TMEM169: variants seen among roughly 807,000 people sequenced by gnomAD.
TMEM169 encodes transmembrane protein 169.
In TMEM169, 18 loss-of-function variants were observed where a neutral mutation model predicts 27.3. That is an observed-to-expected ratio of 0.66 (90% CI 0.46 to 0.98). The LOEUF is 0.98. Among genes scored for constraint, TMEM169 ranks in the 50% least tolerant of loss-of-function variants. The probability of loss-of-function intolerance (pLI) is 0.00; values close to 1 mark genes in which losing one functional copy is unlikely to be tolerated. For missense variants in TMEM169, 320 were observed against 368.6 expected (o/e 0.87, Z 1.08); for synonymous variants, 136 against 142.1 (o/e 0.96, Z 0.30).
rs189640090 is a variant in TMEM169, at chr2:216,093,115, G to A, written c.-126-2723G>A. 1.5e-3 allele frequency among the ~76,000 whole-genome samples: 209 copies of A among 141,418 alleles called. 2 individuals carry two copies. Among genetic ancestry groups the A allele is most frequent in the African/African-American group, 5.5e-3 (194 of 34,976 alleles). The allele number at this position is 141,418 out of a possible 152,430, so 92.8% of individuals were successfully genotyped here. A position where few individuals can be genotyped will look rare whatever the true frequency, so the allele number is the denominator to read the frequency against. On this transcript the variant is annotated intron_variant, in intron 1 of 2. Coordinates refer to ENST00000437356, the MANE Select transcript of TMEM169 (RefSeq NM_001142311.2). ...ATATATGTATATCCTGGAACTTAAC[G>A]TAATAATGAAGTGTGTGTGTGTGTG...
chr2:216,091,221 G>A (rs1161344165), intron 1 of TMEM169, among the ~76,000 whole-genome samples: 1 of 152,162 alleles, frequency 6.6e-6, no homozygotes, highest in Non-Finnish European at 1.5e-5. Flanking sequence ...ATTAGGTGAG[G>A]CTTTATGTCA....
rs1696414567 is a variant in TMEM169 at position 216,102,376 on chromosome 2, A to G, written c.*1834A>G. ...AGATTAACAGACTCTGAACTTAAAA[A>G]AAAAAATCACTCCTAAGGGTGTCCT... On this transcript the variant is annotated 3_prime_UTR_variant, in exon 3 of 3. Coordinates refer to ENST00000437356, the MANE Select transcript of TMEM169 (RefSeq NM_001142311.2). 1 of 152,410 alleles carries G rather than the reference A, an allele frequency of 6.6e-6. No individual in the cohort carries two copies. Among genetic ancestry groups the G allele is most frequent in the Admixed American group, 6.5e-5 (1 of 15,286 alleles). 9.4% of individuals were successfully genotyped at this position (152,410 alleles called of 1,614,324 possible). A position where few individuals can be genotyped will look rare whatever the true frequency, so the allele number is the denominator to read the frequency against.
At chr2:216,093,813 T>A (rs1043861730) in intron 1 of TMEM169, among the ~76,000 whole-genome samples, 1 of 151,984 alleles carries the variant, frequency 6.6e-6, no homozygotes, top group Non-Finnish European at 1.5e-5. Context: ...AAAAAAAATA[T>A]GTATTCTGGC....
chr2:216,098,605 G>A lies in TMEM169; in HGVS notation c.272-1315G>A, dbSNP rs185781277. On this transcript the variant is annotated intron_variant, in intron 2 of 2. Coordinates refer to ENST00000437356, the MANE Select transcript of TMEM169 (RefSeq NM_001142311.2). ...ATCTTATCTCTCAGTTGTGGGGCAA[G>A]GAGTCCACAGGGCCCAAGGTCCATG... Among the ~76,000 whole-genome samples the A allele has an allele frequency of 4.6e-3, 705 of 152,242 alleles. 8 individuals carry two copies. Among genetic ancestry groups the A allele is most frequent in the African/African-American group, 0.016 (673 of 41,528 alleles).
At chr2:216,088,066 C>T (rs1296421329) in intron 1 of TMEM169, among the ~76,000 whole-genome samples, 1 of 148,128 alleles carries the variant, frequency 6.8e-6, no homozygotes, top group South Asian at 2.2e-4. Flanking sequence ...GGCAGAGGCA[C>T]GAAAATCGCT....
rs1491440423 is a variant in TMEM169 at position 216,099,089 on chromosome 2, T to TA, written c.272-830dup. Among the ~76,000 whole-genome samples the TA allele has an allele frequency of 2.0e-5, 3 of 149,656 alleles. No individual in the cohort carries two copies. The highest frequency in any genetic ancestry group is 4.2e-4 in the South Asian group (2 of 4,734). On this transcript the variant is annotated intron_variant, in intron 2 of 2. Coordinates refer to ENST00000437356, the MANE Select transcript of TMEM169 (RefSeq NM_001142311.2). This position sits in a 1 kb window ranked among gnomAD's most constrained non-coding sequence, Gnocchi z 5.0. ...ATGTGTATGTGTGTGTGTGGTGTGT[T>TA]ATGTGTGTATGTTGCATGTATGTGT...
Position 216,100,524 on chromosome 2 carries a change from A to G in TMEM169, c.876A>G (p.Val292=), listed in dbSNP as rs149869082. The G allele has an allele frequency of 2.4e-4, 387 of 1,614,168 alleles. No homozygotes were observed. The African/African-American group carries it at 4.8e-3, about 20-fold the overall frequency. ...CCAACAAGGACCCCATCCAAGAAGTAGAAACCTCCACGGTCTAAACTCCCA... is the reference window on the plus strand; with the variant it reads ...CCAACAAGGACCCCATCCAAGAAGTGGAAACCTCCACGGTCTAAACTCCCA... ...TLSNKDPIQE[V]ETSTV is the part of the protein sequence containing the mutation. Residue 292 remains valine (V), a synonymous_variant, in exon 3 of 3, where the codon GTA becomes GTG. Transcript: ENST00000437356.
Position 216,096,209 on chromosome 2 carries a change from T to C in TMEM169, c.246T>C (p.Asp82=). 3.7e-6 allele frequency: 6 copies of C among 1,614,060 alleles called. No homozygotes were observed. The highest frequency in any genetic ancestry group is 5.1e-6 in the Non-Finnish European group (6 of 1,179,990). ...AGCCTAAAGAGGAGGAGGGAGATGATTTCCTAGACTATCCTGTGGATGATG... is the reference window on the plus strand; with the variant it reads ...AGCCTAAAGAGGAGGAGGGAGATGACTTCCTAGACTATCCTGTGGATGATG... The part of the protein sequence containing the change: ...GDQPKEEEGD[D]FLDYPVDDDM... Residue 82 remains aspartate (D), a synonymous_variant, in exon 2 of 3, where the codon GAT becomes GAC. Transcript: ENST00000437356.
intron 1 of TMEM169, among the ~76,000 whole-genome samples, chr2:216,089,473 T>G (rs941144780): frequency 1.3e-5 from 2 of 152,150 alleles, no homozygotes; most frequent in Non-Finnish European, 1.5e-5. Context: ...TGATTTTATT[T>G]TTGAGACAGA....
Position 216,100,487 on chromosome 2 carries a change from C to G in TMEM169, c.839C>G (p.Ser280Ter). 1 of 1,614,084 alleles carries G rather than the reference C, an allele frequency of 6.2e-7. No homozygotes were observed. Among genetic ancestry groups the G allele is most frequent in the Non-Finnish European group, 8.5e-7 (1 of 1,180,028 alleles). The change falls in exon 3 of 3, where the codon TCA (serine) becomes TGA (stop). Residue 280 changes from serine (S) to a stop codon, truncating the protein, a stop_gained. Coordinates refer to ENST00000437356, the MANE Select transcript of TMEM169 (RefSeq NM_001142311.2). LOFTEE classifies it high-confidence loss of function. ...IVELLESDNI[S>*]STLSNKDPIQ... is the part of the protein sequence containing the mutation. Reference sequence around the variant, plus strand: ...GAGTTGCTTGAATCCGACAATATCTCAAGCACTCTCTCCAACAAGGACCCC... The same window carrying G: ...GAGTTGCTTGAATCCGACAATATCTGAAGCACTCTCTCCAACAAGGACCCC...
In TMEM169 at chr2:216,099,360, T is replaced by G. The variant is rs1358850165; in HGVS notation, c.272-560T>G. Among the ~76,000 whole-genome samples the G allele has an allele frequency of 6.6e-6, 1 of 151,716 alleles. No individual in the cohort carries two copies. Among genetic ancestry groups the G allele is most frequent in the Non-Finnish European group, 1.5e-5 (1 of 67,896 alleles). ...GGGAGGTGGCATGTGTATGTGTGTG[T>G]ATGGTGTGTATGTAGTATGTGAGAG... On this transcript the variant is annotated intron_variant, in intron 2 of 2. Coordinates refer to ENST00000437356, the MANE Select transcript of TMEM169 (RefSeq NM_001142311.2). The surrounding 1 kb of genome is among the most constrained non-coding windows in gnomAD (Gnocchi z 5.0).
At chr2:216,098,702 T>C (rs1163037660) in intron 2 of TMEM169, among the ~76,000 whole-genome samples, 1 of 133,268 alleles carries the variant, frequency 7.5e-6, no homozygotes, top group Non-Finnish European at 1.5e-5. Flanking sequence ...TATTTGGTTC[T>C]GTGTGGGTGC....
At chr2:216,087,743 A>G (rs914332624) in intron 1 of TMEM169, among the ~76,000 whole-genome samples, 1 of 152,238 alleles carries the variant, frequency 6.6e-6, no homozygotes, top group Non-Finnish European at 1.5e-5. Context: ...ATATTGAACA[A>G]TACGATTATT....
At position 216,100,504 on chromosome 2, in the gene TMEM169, A is replaced by G. The variant is rs1696372273; in HGVS notation, c.856A>G (p.Lys286Glu). The change falls in exon 3 of 3, where the codon AAG becomes GAG. Residue 286 changes from lysine (K) to glutamate (E), a missense_variant. Transcript: ENST00000437356. ...SDNISSTLSN[K>E]DPIQEVETST... Reference sequence around the variant, plus strand: ...CAATATCTCAAGCACTCTCTCCAACAAGGACCCCATCCAAGAAGTAGAAAC... The same window carrying G: ...CAATATCTCAAGCACTCTCTCCAACGAGGACCCCATCCAAGAAGTAGAAAC... 6.2e-7 allele frequency: 1 copy of G among 1,613,976 alleles called. No homozygotes were observed. The highest frequency in any genetic ancestry group is 1.1e-5 in the South Asian group (1 of 91,074).
At chr2:216,095,109 CTTTTTT>C (rs71047975) in intron 1 of TMEM169, among the ~76,000 whole-genome samples, 4 of 110,484 alleles carry the variant, frequency 3.6e-5, no homozygotes, top group African/African-American at 1.6e-4. Flanking sequence ...TTTTTTCTTT[CTTTTTT>C]TTTTTTTTGA....
At chr2:216,088,984 G>T (rs925936894) in intron 1 of TMEM169, among the ~76,000 whole-genome samples, 1 of 152,224 alleles carries the variant, frequency 6.6e-6, no homozygotes, top group Non-Finnish European at 1.5e-5. Context: ...TCTTGGCATA[G>T]AAGTGGTCCT....
rs190570097 is a variant in TMEM169 at position 216,099,139 on chromosome 2, A to G, written c.272-781A>G. On this transcript the variant is annotated intron_variant, in intron 2 of 2. Coordinates refer to ENST00000437356, the MANE Select transcript of TMEM169 (RefSeq NM_001142311.2). This position sits in a 1 kb window ranked among gnomAD's most constrained non-coding sequence, Gnocchi z 5.0. ...TGATATGTATGGGTATGTGGTGTGT[A>G]TATGGTATGTGTATGTGTTGTATGT... 1.0e-4 allele frequency among the ~76,000 whole-genome samples: 15 copies of G among 149,174 alleles called. No individual in the cohort carries two copies. Among genetic ancestry groups the G allele is most frequent in the African/African-American group, 3.2e-4 (13 of 40,246 alleles).
At chr2:216,092,574 T>A (rs1413593240) in intron 1 of TMEM169, among the ~76,000 whole-genome samples, 1 of 152,170 alleles carries the variant, frequency 6.6e-6, no homozygotes, top group East Asian at 1.9e-4. Flanking sequence ...GAACAAGAAG[T>A]ATGAGATTTG....
At chr2:216,089,056 AGAG>A in intron 1 of TMEM169, among the ~76,000 whole-genome samples, 1 of 152,248 alleles carries the variant, frequency 6.6e-6, no homozygotes, top group Non-Finnish European at 1.5e-5. Context: ...TGTTGAGAAT[AGAG>A]GACAATGAAT....
Sources: gnomAD v4.1 joint callset for allele counts (sites outside exome capture counted in the v4.1 genomes callset) on GRCh38, gnomAD v4.1.1 for gene constraint, Gnocchi (gnomAD v3.1) non-coding constraint, MANE v1.5 for transcripts, NCBI Gene and HGNC (gene_info 2026-07-23, HGNC 2026-07-21) for gene names.